Variants in EEF2KMT observed in about 807,000 individuals in gnomAD.
The protein encoded by EEF2KMT is eukaryotic elongation factor 2 lysine methyltransferase.
Under a neutral mutation model 35.1 loss-of-function variants are expected in EEF2KMT, and 30 were observed. That is an observed-to-expected ratio of 0.85 (90% CI 0.64 to 1.16). EEF2KMT has a LOEUF of 1.16. EEF2KMT is among the 50% of genes most tolerant of loss of function. The probability of loss-of-function intolerance (pLI) is 0.00; values close to 1 mark genes in which losing one functional copy is unlikely to be tolerated. For synonymous variants in EEF2KMT, 190 were observed against 187.7 expected (o/e 1.01, Z -0.10); for missense variants, 499 against 438.2 (o/e 1.14, Z -1.24).
At chr16:5,089,550 C>T in intron 6 of EEF2KMT, 1 of 504,908 alleles carries the variant, frequency 2.0e-6, no homozygotes, top group East Asian at 3.8e-5. Context: ...TGACACAAAG[C>T]CTGACCCTGC....
chr16:5,089,906 G>C (rs541966566), intron 6 of EEF2KMT, among the ~76,000 whole-genome samples, 178 bp downstream of exon 6: 1 of 152,316 alleles, frequency 6.6e-6, no homozygotes, highest in African/African-American at 2.4e-5. Flanking sequence ...GTGGGTTGAA[G>C]GTCACCTTAA....
In EEF2KMT at chr16:5,085,601, C is replaced by A. The variant is rs1957128202; in HGVS notation, c.*31G>T. On this transcript the variant is annotated 3_prime_UTR_variant, in exon 8 of 8. Coordinates refer to ENST00000427587, the MANE Select transcript of EEF2KMT (RefSeq NM_201400.4). ...TTCTTCCCATGAGAGTGACTTGATT[C>A]TCACAATCCCGTTGGAGTCGTGTGT... 1 of 1,463,502 alleles carries A rather than the reference C, an allele frequency of 6.8e-7. No individual in the cohort carries two copies. The highest frequency in any genetic ancestry group is 9.6e-7 in the Non-Finnish European group (1 of 1,044,398). The allele number at this position is 1,463,502 out of a possible 1,614,324, so 90.7% of individuals were successfully genotyped here. A position where few individuals can be genotyped will look rare whatever the true frequency, so the allele number is the denominator to read the frequency against.
intron 1 of EEF2KMT, among the ~76,000 whole-genome samples, chr16:5,096,859 T>G (rs1800231666): frequency 6.6e-6 from 1 of 152,252 alleles, no homozygotes; most frequent in Admixed American, 6.5e-5. Context: ...GTTTCTATTT[T>G]GGGTTAAAAA....
rs1308714021 is a variant in EEF2KMT, at chr16:5,095,551, A to C, written c.97-37T>G. 4 of 1,610,402 alleles carry C rather than the reference A, an allele frequency of 2.5e-6. No homozygotes were observed. The African/African-American group carries it at 5.3e-5, about 22-fold the overall frequency. On this transcript the variant is annotated intron_variant, in intron 1 of 7. Coordinates refer to ENST00000427587, the MANE Select transcript of EEF2KMT (RefSeq NM_201400.4). ...GGAAAGAGAGAAATCTCAAGGGCGC[A>C]TTCACAGGAACATTAAACACGCAAT...
At chr16:5,095,226 C>T (rs1957430327) in intron 2 of EEF2KMT, 2 of 592,588 alleles carry the variant, frequency 3.4e-6, no homozygotes, top group East Asian at 3.0e-5. Context: ...CCTCTCATTG[C>T]AGGTTTTTGT....
rs866621999 is a variant in EEF2KMT, at chr16:5,093,504, G to C, written c.220C>G (p.Leu74Val). 1 of 1,612,024 alleles carries C rather than the reference G, an allele frequency of 6.2e-7. No homozygotes were observed. The highest frequency in any genetic ancestry group is 1.3e-5 in the African/African-American group (1 of 74,982). The change falls in exon 3 of 8, where the codon CTC (leucine) becomes GTC (valine). Residue 74 changes from leucine (L) to valine (V), a missense_variant. Leu to Val is a conservative substitution (Grantham distance 32, BLOSUM62 1). Transcript: ENST00000427587. ...PPSVKYARCF[L>V]SELIKKHEAV... is the part of the protein sequence containing the mutation. ...CTGACCTTTTTGATGAGTTCTGAGA[G>C]AAAGCACCGGGCATATTTGACGGAC...
At chr16:5,086,358 C>T (rs1189491709) in intron 7 of EEF2KMT, 6 of 152,376 alleles carry the variant, frequency 3.9e-5, no homozygotes, top group East Asian at 1.9e-4. Context: ...AAAAACCACA[C>T]GCACCACACA....
intron 1 of EEF2KMT, chr16:5,097,288 C>T: frequency 3.0e-6 from 4 of 1,336,058 alleles, no homozygotes; most frequent in Non-Finnish European, 3.9e-6. Flanking sequence ...ACCTGCGGTC[C>T]TGACGGCGCT....
In EEF2KMT at chr16:5,084,925, C is replaced by T; in HGVS notation, c.*707G>A. 1.9e-6 allele frequency: 3 copies of T among 1,596,344 alleles called. No individual in the cohort carries two copies. The highest frequency in any genetic ancestry group is 2.5e-6 in the Non-Finnish European group (3 of 1,179,738). ...AAACCCCAGGACCCCTGCTGTCCTT[C>T]CCGCAGCTTCTTCTTGGAGTCTCAG... On this transcript the variant is annotated 3_prime_UTR_variant, in exon 8 of 8. Transcript: ENST00000427587.
chr16:5,094,610 C>T (rs1356865084), intron 2 of EEF2KMT, among the ~76,000 whole-genome samples: 1 of 152,142 alleles, frequency 6.6e-6, no homozygotes, highest in Non-Finnish European at 1.5e-5. Context: ...TGCTTCACCA[C>T]CTACGAGAGT....
chr16:5,088,073 C>A (rs1471691440), intron 7 of EEF2KMT, among the ~76,000 whole-genome samples: 1 of 151,906 alleles, frequency 6.6e-6, no homozygotes, highest in Non-Finnish European at 1.5e-5. Flanking sequence ...TCCTGAGTAG[C>A]TGGGACTACA....
At chr16:5,089,695 G>T (rs1957298980) in intron 6 of EEF2KMT, among the ~76,000 whole-genome samples, 1 of 152,164 alleles carries the variant, frequency 6.6e-6, no homozygotes, top group African/African-American at 2.4e-5. Flanking sequence ...TGTTCCACCA[G>T]AGAGGGGACT....
rs769508172 is a variant in EEF2KMT at position 5,090,248 on chromosome 16, AC to A, written c.577del (p.Val193SerfsTer16). ...GACATTCCCTCGGAGCTGCTCAAGG[AC>A]CCGGCTGTGACAGTCGCTGAAGATG... ...AYIFSDCHSR[V>X]LEQLRGNVLL... On this transcript the variant is annotated frameshift_variant, in exon 6 of 8. Coordinates refer to ENST00000427587, the MANE Select transcript of EEF2KMT (RefSeq NM_201400.4). LOFTEE classifies it high-confidence loss of function. This position sits in a 1 kb window ranked among gnomAD's most constrained non-coding sequence, Gnocchi z 4.1. The A allele has an allele frequency of 1.5e-5, 24 of 1,611,912 alleles. No homozygotes were observed. The highest frequency in any genetic ancestry group is 1.3e-5 in the African/African-American group (1 of 74,860).
Position 5,090,682 on chromosome 16 carries a change from A to G in EEF2KMT, c.343-117T>C. 1 of 1,371,994 alleles carries G rather than the reference A, an allele frequency of 7.3e-7. No individual in the cohort carries two copies. Among genetic ancestry groups the G allele is most frequent in the Non-Finnish European group, 1.0e-6 (1 of 993,424 alleles). 85.0% of individuals were successfully genotyped at this position (1,371,994 alleles called of 1,614,324 possible). A position where few individuals can be genotyped will look rare whatever the true frequency, so the allele number is the denominator to read the frequency against. On this transcript the variant is annotated intron_variant, in intron 4 of 7. Coordinates refer to ENST00000427587, the MANE Select transcript of EEF2KMT (RefSeq NM_201400.4). The surrounding 1 kb of genome is among the most constrained non-coding windows in gnomAD (Gnocchi z 4.1). Reference sequence around the variant, plus strand: ...ATGACAGGACCAATCGCCACTCAGCAATGAGAAGCAGCTAACTGTTGGCAT... The same window carrying G: ...ATGACAGGACCAATCGCCACTCAGCGATGAGAAGCAGCTAACTGTTGGCAT...
chr16:5,089,345 A>G (rs1470486516), intron 6 of EEF2KMT, 89 bp from the exon 7 acceptor site: 3 of 1,549,872 alleles, frequency 1.9e-6, no homozygotes, highest in Admixed American at 3.7e-5. Flanking sequence ...CCAGAGAGGC[A>G]GCGGTCATAT....
rs190402165 is a variant in EEF2KMT at position 5,085,656 on chromosome 16, C to A, written c.969G>T (p.Met323Ile). The A allele has an allele frequency of 6.2e-7, 1 of 1,611,242 alleles. No individual in the cohort carries two copies. The highest frequency in any genetic ancestry group is 1.7e-5 in the Admixed American group (1 of 60,008). ...CCTACAGGGTGAGATTCAGCATTGC[C>A]ATCTCCAAGTGCTCTTCGTAGGGAA... Reference protein sequence around the residue: ...KLFPYEEHLEMAMLNLTL With the variant: ...KLFPYEEHLEIAMLNLTL Residue 323 changes from methionine to isoleucine, a missense_variant, in exon 8 of 8, where the codon ATG (methionine) becomes ATT (isoleucine). Met to Ile is a conservative substitution (Grantham distance 10). Transcript: ENST00000427587.
intron 1 of EEF2KMT, 52 bp downstream of exon 1, chr16:5,097,592 C>T (rs1268271579): frequency 8.5e-6 from 13 of 1,530,842 alleles, no homozygotes; most frequent in African/African-American, 6.9e-5. Context: ...GTCCCGTCTG[C>T]CCCTGGACTC....
intron 7 of EEF2KMT, among the ~76,000 whole-genome samples, chr16:5,088,654 G>T (rs2142755404): frequency 6.6e-6 from 1 of 152,236 alleles, no homozygotes; most frequent in Middle Eastern, 3.4e-3. Context: ...GGCCCACTAT[G>T]GGGCCAGTTC....
chr16:5,093,036 T>C (rs557194645), intron 3 of EEF2KMT, among the ~76,000 whole-genome samples: 1 of 152,362 alleles, frequency 6.6e-6, no homozygotes, highest in Non-Finnish European at 1.5e-5. Flanking sequence ...GCAGGATTAA[T>C]GCAGAGAATT....
Sources: allele counts gnomAD v4.1 joint callset (sites outside exome capture counted in the v4.1 genomes callset), GRCh38; gene constraint gnomAD v4.1.1; non-coding constraint Gnocchi (gnomAD v3.1); transcripts MANE v1.5; gene names NCBI Gene and HGNC (gene_info 2026-07-23, HGNC 2026-07-21).